FSTL4: variants seen among roughly 807,000 people sequenced by gnomAD.
FSTL4 encodes follistatin-related protein 4.
In FSTL4, 28 loss-of-function variants were observed where a neutral mutation model predicts 78.2. That is an observed-to-expected ratio of 0.36 (90% CI 0.27 to 0.49). The LOEUF (loss-of-function observed/expected upper bound fraction) is 0.49, where lower values mean the gene tolerates loss of function less well. Ranked by LOEUF, FSTL4 falls within the 20% of genes least tolerant of loss-of-function variation. The pLI, the probability that FSTL4 is intolerant of heterozygous loss-of-function variation, is 0.98. For synonymous variants in FSTL4, 422 were observed against 440.5 expected (o/e 0.96, Z 0.53); for missense variants, 922 against 1,084.9 (o/e 0.85, Z 2.11).
chr5:133,307,862 ACT>A lies in FSTL4; in HGVS notation c.727+4790_727+4791del, dbSNP rs1420193985. On this transcript the variant is annotated intron_variant, in intron 6 of 15. Coordinates refer to ENST00000265342, the MANE Select transcript of FSTL4 (RefSeq NM_015082.2). ...GTGGTGCGATCTCCACTCACTGCAAACTCTGCCTCCTGGGTTCACGCCATTCT... is the reference window on the plus strand; with the variant it reads ...GTGGTGCGATCTCCACTCACTGCAAACTGCCTCCTGGGTTCACGCCATTCT... Among the ~76,000 whole-genome samples, 9 of 150,850 alleles carry A rather than the reference ACT, an allele frequency of 6.0e-5. No homozygotes were observed. In the East Asian group the frequency reaches 1.8e-3, roughly 29 times the overall value.
chr5:133,690,769 C>T, the FSTL4 span, among the ~76,000 whole-genome samples: 2 of 152,240 alleles, frequency 1.3e-5, no homozygotes, highest in Non-Finnish European at 2.9e-5. Flanking sequence ...GAGACAGTGA[C>T]TTGCACATCC....
At chr5:133,690,812 T>C in the FSTL4 span, among the ~76,000 whole-genome samples, 1 of 152,236 alleles carries the variant, frequency 6.6e-6, no homozygotes, top group Non-Finnish European at 1.5e-5. Context: ...CAAAACTTCA[T>C]ATTTGCTTCT....
chr5:133,754,504 A>G, the FSTL4 span, among the ~76,000 whole-genome samples: 1 of 152,248 alleles, frequency 6.6e-6, no homozygotes, highest in African/African-American at 2.4e-5. Flanking sequence ...GATGTATTCA[A>G]TCCTCCCTGT....
intron 3 of FSTL4, among the ~76,000 whole-genome samples, chr5:133,437,306 T>A (rs1757053211): frequency 6.6e-6 from 1 of 152,134 alleles, no homozygotes; most frequent in South Asian, 2.1e-4. Context: ...GAGCCGTCAG[T>A]GACAGTCACC....
At chr5:133,516,585 T>C (rs1005990363) in intron 3 of FSTL4, among the ~76,000 whole-genome samples, 3 of 152,200 alleles carry the variant, frequency 2.0e-5, no homozygotes, top group South Asian at 2.1e-4. Flanking sequence ...TATTCCCCTA[T>C]AACAGTAACA....
At chr5:133,380,448 C>G (rs776209652) in intron 4 of FSTL4, among the ~76,000 whole-genome samples, 27 of 151,852 alleles carry the variant, frequency 1.8e-4, no homozygotes, top group Non-Finnish European at 1.6e-4. Flanking sequence ...ATGAATTGGA[C>G]AAATTTGTAG....
At chr5:133,716,763 A>G in the FSTL4 span, among the ~76,000 whole-genome samples, 1 of 152,268 alleles carries the variant, frequency 6.6e-6, no homozygotes, top group Non-Finnish European at 1.5e-5. Flanking sequence ...CACAGGAGTG[A>G]GCAAAACAAT....
chr5:133,224,066 G>T, intron 11 of FSTL4, 124 bp downstream of exon 11: 1 of 647,130 alleles, frequency 1.5e-6, no homozygotes, highest in South Asian at 2.2e-5. Flanking sequence ...ATTTGACATT[G>T]ACTTCCTGCT....
At chr5:133,560,580 G>T (rs1759889803) in intron 3 of FSTL4, among the ~76,000 whole-genome samples, 1 of 151,924 alleles carries the variant, frequency 6.6e-6, no homozygotes, top group African/African-American at 2.4e-5. Context: ...TGGCCAGGTT[G>T]GTCTTGAACT....
chr5:133,780,492 C>T, the FSTL4 span, among the ~76,000 whole-genome samples: 5 of 151,850 alleles, frequency 3.3e-5, no homozygotes, highest in African/African-American at 1.2e-4. Context: ...AGCTTGTCTC[C>T]TGTGTATTGT....
chr5:133,228,043 A>T (rs538332100), intron 8 of FSTL4, among the ~76,000 whole-genome samples: 2 of 152,206 alleles, frequency 1.3e-5, no homozygotes, highest in Admixed American at 6.5e-5. Flanking sequence ...CCTGGGCAAC[A>T]TGGCAAAACC....
At chr5:133,507,191 G>C (rs973702909) in intron 3 of FSTL4, among the ~76,000 whole-genome samples, 1 of 152,172 alleles carries the variant, frequency 6.6e-6, no homozygotes. Flanking sequence ...CTGGGTGACA[G>C]TGAGACTCTG....
intron 4 of FSTL4, among the ~76,000 whole-genome samples, chr5:133,327,772 G>C (rs1754250746): frequency 6.6e-6 from 1 of 152,182 alleles, no homozygotes; most frequent in Admixed American, 6.5e-5. Context: ...CGGCTGAAAG[G>C]GTTGGTTCTC....
the FSTL4 span, among the ~76,000 whole-genome samples, chr5:133,771,738 G>A: frequency 3.3e-5 from 5 of 151,414 alleles, no homozygotes; most frequent in African/African-American, 4.9e-5. Context: ...TTTTTCTCCC[G>A]CCTGATTGCT....
chr5:133,773,468 A>G, the FSTL4 span, among the ~76,000 whole-genome samples: 81 of 152,302 alleles, frequency 5.3e-4, 1 homozygote, highest in African/African-American at 1.9e-3. Flanking sequence ...GGGTAGACAG[A>G]GAGAGAAGAC....
At chr5:133,669,298 G>C in the FSTL4 span, among the ~76,000 whole-genome samples, 1 of 152,170 alleles carries the variant, frequency 6.6e-6, no homozygotes, top group Non-Finnish European at 1.5e-5. Flanking sequence ...TCCTGAGATG[G>C]GGGGGCAAGA....
At chr5:133,556,977 T>C (rs895261840) in intron 3 of FSTL4, among the ~76,000 whole-genome samples, 1 of 152,178 alleles carries the variant, frequency 6.6e-6, no homozygotes, top group African/African-American at 2.4e-5. Flanking sequence ...TTGGCTAAAG[T>C]GCTAAAGAAA....
chr5:133,436,031 T>C (rs1257340498), intron 3 of FSTL4, among the ~76,000 whole-genome samples: 1 of 152,202 alleles, frequency 6.6e-6, no homozygotes, highest in East Asian at 1.9e-4. Context: ...TGCCAAGTGT[T>C]AGGCACTAGA....
intron 6 of FSTL4, among the ~76,000 whole-genome samples, chr5:133,286,758 G>A (rs1327777930): frequency 1.3e-5 from 2 of 152,176 alleles, no homozygotes; most frequent in African/African-American, 2.4e-5. Context: ...AAGCAGATCA[G>A]CCTTCTTTGC....
Sources: allele counts gnomAD v4.1 joint callset (sites outside exome capture counted in the v4.1 genomes callset), GRCh38; gene constraint gnomAD v4.1.1; transcripts MANE v1.5; gene names NCBI Gene and HGNC (gene_info 2026-07-23, HGNC 2026-07-21).